GHR: variants seen among roughly 807,000 people sequenced by gnomAD.
The protein encoded by GHR is GH receptor.
A neutral mutation model predicts 67.1 loss-of-function variants in GHR; 35 were observed. That is an observed-to-expected ratio of 0.52 (90% CI 0.40 to 0.69). The LOEUF is 0.69. GHR is among the 30% of genes least tolerant of loss of function. The probability of loss-of-function intolerance (pLI) is 0.00; values close to 1 mark genes in which losing one functional copy is unlikely to be tolerated. For synonymous variants in GHR, 272 were observed against 269.1 expected, an observed-to-expected ratio of 1.01 and a Z score of -0.10; for missense variants, 792 against 764.6, an observed-to-expected ratio of 1.04 and a Z score of -0.42.
At chr5:42,599,573 C>G (rs1251974707) in intron 2 of GHR, among the ~76,000 whole-genome samples, 1 of 151,972 alleles carries the variant, frequency 6.6e-6, no homozygotes, top group African/African-American at 2.4e-5. Context: ...CTTGGCCAGG[C>G]TGGTCTTGAA....
At chr5:42,581,255 C>G (rs1263016020) in intron 2 of GHR, among the ~76,000 whole-genome samples, 6 of 152,188 alleles carry the variant, frequency 3.9e-5, no homozygotes, top group African/African-American at 1.4e-4. Flanking sequence ...ACTCACCACC[C>G]TAAGGCAGCC....
intron 1 of GHR, chr5:42,465,489 T>G: frequency 6.3e-7 from 1 of 1,575,092 alleles, no homozygotes; most frequent in Non-Finnish European, 8.7e-7. Context: ...TCAACTTCAT[T>G]CTCCTTATTT....
chr5:42,579,189 TAGATAGATAGAC>T (rs1751023048), intron 2 of GHR, among the ~76,000 whole-genome samples: 1 of 143,168 alleles, frequency 7.0e-6, no homozygotes, highest in Non-Finnish European at 1.6e-5. Flanking sequence ...GATAGATAGA[TAGATAGATAGAC>T]AGATAGATAG....
At chr5:42,703,037 C>A (rs1429115176) in intron 6 of GHR, among the ~76,000 whole-genome samples, 1 of 152,020 alleles carries the variant, frequency 6.6e-6, no homozygotes, top group Non-Finnish European at 1.5e-5. Context: ...GTTTCCTTGG[C>A]AGTGCAGAAG....
chr5:42,518,898 ACT>A (rs934329067), intron 1 of GHR, among the ~76,000 whole-genome samples: 26 of 152,016 alleles, frequency 1.7e-4, no homozygotes, highest in South Asian at 2.1e-4. Context: ...AAAGTGTTAA[ACT>A]CTCTGTTAGT....
rs943007063 is a variant in GHR at position 42,569,912 on chromosome 5, C to T, written c.70+3968C>T. 8.5e-5 allele frequency among the ~76,000 whole-genome samples: 13 copies of T among 152,204 alleles called. No individual in the cohort carries two copies. The South Asian group carries it at 2.7e-3, about 32-fold the overall frequency. ...AATGAGATGCCACATCCTAAGGGAA[C>T]CAAGAGCCCCAAAATAATTTTTTCT... is the stretch of plus-strand genomic sequence containing the variant. On this transcript the variant is annotated intron_variant, in intron 2 of 9. Coordinates refer to ENST00000230882, the MANE Select transcript of GHR (RefSeq NM_000163.5).
intron 9 of GHR, 134 bp from the exon 10 acceptor site, chr5:42,718,319 A>T: frequency 1.3e-6 from 1 of 748,338 alleles, no homozygotes; most frequent in Non-Finnish European, 2.2e-6. Flanking sequence ...TTACACACTA[A>T]TTTATGTTTT....
rs565667499 is a variant in GHR at position 42,617,878 on chromosome 5, G to A, written c.71-11160G>A. On this transcript the variant is annotated intron_variant, in intron 2 of 9. Transcript: ENST00000230882. ...AAAATTTATATTCTAGACTTTTAAG[G>A]CATTGCCTGCCCTATAGCTATGAAA... Among the ~76,000 whole-genome samples the A allele has an allele frequency of 3.3e-5, 5 of 152,132 alleles. No individual in the cohort carries two copies. In the South Asian group the frequency reaches 1.0e-3, roughly 32 times the overall value.
rs546241417 is a variant in GHR at position 42,663,380 on chromosome 5, A to T, written c.137-25510A>T. Among the ~76,000 whole-genome samples the T allele has an allele frequency of 1.3e-4, 20 of 152,348 alleles. No homozygotes were observed. The East Asian group carries it at 3.7e-3, about 28-fold the overall frequency. Reference sequence around the variant, plus strand: ...AGCAAACCGAATCCAGCAGCACATCAAAAAGCTTATCCACCATGATCAAGT... The same window carrying T: ...AGCAAACCGAATCCAGCAGCACATCTAAAAGCTTATCCACCATGATCAAGT... On this transcript the variant is annotated intron_variant, in intron 3 of 9. Coordinates refer to ENST00000230882, the MANE Select transcript of GHR (RefSeq NM_000163.5).
chr5:42,441,639 A>G (rs1181268709), intron 1 of GHR, among the ~76,000 whole-genome samples: 8 of 151,992 alleles, frequency 5.3e-5, no homozygotes, highest in Non-Finnish European at 7.4e-5. Flanking sequence ...CCTCCTGAGT[A>G]GCTGGGACTA....
intron 6 of GHR, among the ~76,000 whole-genome samples, chr5:42,707,206 T>G (rs542969764): frequency 3.9e-5 from 6 of 152,154 alleles, no homozygotes; most frequent in African/African-American, 1.4e-4. Flanking sequence ...TCTACACTTT[T>G]ACTCCACATA....
At chr5:42,670,586 C>A (rs1183503075) in intron 3 of GHR, among the ~76,000 whole-genome samples, 1 of 151,944 alleles carries the variant, frequency 6.6e-6, no homozygotes, top group Non-Finnish European at 1.5e-5. Flanking sequence ...AAGAGACAAC[C>A]TACAGATTAG....
chr5:42,688,148 A>G (rs1318209473), intron 3 of GHR, among the ~76,000 whole-genome samples: 2 of 152,248 alleles, frequency 1.3e-5, no homozygotes, highest in Non-Finnish European at 2.9e-5. Flanking sequence ...TTTATCAAAA[A>G]TCAATGAAAA....
At chr5:42,660,536 C>A (rs896156695) in intron 3 of GHR, among the ~76,000 whole-genome samples, 10 of 152,214 alleles carry the variant, frequency 6.6e-5, no homozygotes, top group African/African-American at 1.9e-4. Flanking sequence ...TCCAACAGAC[C>A]TGCAGCTGAG....
chr5:42,687,497 T>A (rs867887247), intron 3 of GHR, among the ~76,000 whole-genome samples: 1 of 152,214 alleles, frequency 6.6e-6, no homozygotes, highest in Non-Finnish European at 1.5e-5. Context: ...ATCAACTTGT[T>A]CATTTCTCTA....
intron 3 of GHR, among the ~76,000 whole-genome samples, chr5:42,673,415 C>T (rs905958977): frequency 1.3e-5 from 2 of 152,078 alleles, no homozygotes; most frequent in African/African-American, 4.8e-5. Flanking sequence ...GGTATATATC[C>T]AAAAGAAAGT....
intron 2 of GHR, among the ~76,000 whole-genome samples, chr5:42,570,525 A>G (rs1416295594): frequency 1.3e-5 from 2 of 152,164 alleles, no homozygotes; most frequent in Non-Finnish European, 2.9e-5. Context: ...TTATTTATTT[A>G]TTCATTCAAT....
rs962167581 is a variant in GHR at position 42,465,754 on chromosome 5, A to G, written c.-12+41799A>G. 1.2e-5 allele frequency: 11 copies of G among 904,024 alleles called. 1 individual carries two copies. The highest frequency in any genetic ancestry group is 2.1e-5 in the Non-Finnish European group (11 of 532,730). The allele number at this position is 904,024 out of a possible 1,614,324, so 56.0% of individuals were successfully genotyped here. ...ACCTATCAAATTCACGTTTGCCACGAGAATCAAATCCATCTCCTTGGCCCA... is the reference window on the plus strand; with the variant it reads ...ACCTATCAAATTCACGTTTGCCACGGGAATCAAATCCATCTCCTTGGCCCA... On this transcript the variant is annotated intron_variant, in intron 1 of 9. Transcript: ENST00000230882.
chr5:42,576,420 C>T lies in GHR; in HGVS notation c.70+10476C>T, dbSNP rs145153090. Among the ~76,000 whole-genome samples, 597 of 152,082 alleles carry T rather than the reference C, an allele frequency of 3.9e-3. 4 individuals carry two copies. The highest frequency in any genetic ancestry group is 0.013 in the African/African-American group (549 of 41,512). On this transcript the variant is annotated intron_variant, in intron 2 of 9. Coordinates refer to ENST00000230882, the MANE Select transcript of GHR (RefSeq NM_000163.5). ...GTAAAATTCCTATAATTATAGGGAG[C>T]GCTATACAATTATTATATATAATTC... is the stretch of plus-strand genomic sequence containing the variant.
Sources: gnomAD v4.1 joint callset for allele counts (sites outside exome capture counted in the v4.1 genomes callset) on GRCh38, gnomAD v4.1.1 for gene constraint, MANE v1.5 for transcripts, NCBI Gene and HGNC (gene_info 2026-07-23, HGNC 2026-07-21) for gene names.